The following FHIP1A variants were observed in gnomAD, a reference collection of about 807,000 sequenced individuals.
The protein encoded by FHIP1A is FHF complex subunit HOOK interacting protein 1A.
A neutral mutation model predicts 88.6 loss-of-function variants in FHIP1A; 61 were observed. That is an observed-to-expected ratio of 0.69 (90% CI 0.56 to 0.85). The LOEUF (loss-of-function observed/expected upper bound fraction) is 0.85, where lower values mean the gene tolerates loss of function less well. Ranked by LOEUF, FHIP1A falls within the 40% of genes least tolerant of loss-of-function variation. The pLI, the probability that FHIP1A is intolerant of heterozygous loss-of-function variation, is 0.00. For missense variants in FHIP1A, 1,154 were observed against 1,273.5 expected (o/e 0.91, Z 1.43); for synonymous variants, 478 against 496.0 (o/e 0.96, Z 0.48).
At chr4:151,632,510 C>T (rs1167937060) in intron 8 of FHIP1A, among the ~76,000 whole-genome samples, 2 of 151,966 alleles carry the variant, frequency 1.3e-5, no homozygotes, top group Admixed American at 6.6e-5. Context: ...CCAAATACTC[C>T]ACCCAGCAAT....
rs1292423212 is a variant in FHIP1A, at chr4:151,663,797, G to A, written c.*1043G>A. On this transcript the variant is annotated 3_prime_UTR_variant, in exon 14 of 14. Transcript: ENST00000435205. Reference sequence around the variant, plus strand: ...AACAGGAACTGTACAGCCCACTTTGGGACCTTGGATGTAAATGCAAACAGG... The same window carrying A: ...AACAGGAACTGTACAGCCCACTTTGAGACCTTGGATGTAAATGCAAACAGG... Among the ~76,000 whole-genome samples, 1 of 152,046 alleles carries A rather than the reference G, an allele frequency of 6.6e-6. No homozygotes were observed. Among genetic ancestry groups the A allele is most frequent in the Non-Finnish European group, 1.5e-5 (1 of 68,014 alleles).
intron 1 of FHIP1A, among the ~76,000 whole-genome samples, chr4:151,433,227 A>G (rs979866987): frequency 2.6e-5 from 4 of 151,666 alleles, no homozygotes; most frequent in African/African-American, 9.7e-5. Flanking sequence ...TGGAATGGGG[A>G]GAGAGGTGGC....
rs963006373 is a variant in FHIP1A, at chr4:151,640,099, G to A, written c.1226+1343G>A. On this transcript the variant is annotated intron_variant, in intron 9 of 13. Transcript: ENST00000435205. ...AATGCAAATTCTTGGTCTCCTCTCG[G>A]ACCTACTGAATCAGAAACTCTGGGG... 2.0e-5 allele frequency among the ~76,000 whole-genome samples: 3 copies of A among 152,164 alleles called. No homozygotes were observed. The East Asian group carries it at 5.8e-4, about 29-fold the overall frequency.
rs1737537551 is a variant in FHIP1A at position 151,663,157 on chromosome 4, A to G, written c.*403A>G. The G allele has an allele frequency of 6.2e-6, 1 of 160,106 alleles. No individual in the cohort carries two copies. The highest frequency in any genetic ancestry group is 6.2e-5 in the Admixed American group (1 of 16,186). The allele number at this position is 160,106 out of a possible 1,614,324, so 9.9% of individuals were successfully genotyped here. On this transcript the variant is annotated 3_prime_UTR_variant, in exon 14 of 14. Coordinates refer to ENST00000435205, the MANE Select transcript of FHIP1A (RefSeq NM_001109977.3). ...ATTCCAGCTGTTCAGCAGCACAGGA[A>G]GATTGTACACCTGCAACTGTGCGAA...
At chr4:151,489,406 A>G (rs1730203286) in intron 3 of FHIP1A, among the ~76,000 whole-genome samples, 1 of 152,102 alleles carries the variant, frequency 6.6e-6, no homozygotes, top group East Asian at 1.9e-4. Flanking sequence ...CTCCTAGCTG[A>G]ACTTTGTAAT....
chr4:151,587,886 G>A (rs1734278926), intron 6 of FHIP1A, among the ~76,000 whole-genome samples: 1 of 151,908 alleles, frequency 6.6e-6, no homozygotes, highest in African/African-American at 2.4e-5. Context: ...TCTTGCAGAA[G>A]TTTGTGGAAA....
chr4:151,548,308 T>C (rs1235792776), intron 3 of FHIP1A, among the ~76,000 whole-genome samples: 1 of 152,172 alleles, frequency 6.6e-6, no homozygotes, highest in Admixed American at 6.5e-5. Context: ...GCTAATTCCA[T>C]GGAAACAGTT....
At chr4:151,550,773 A>G (rs1024396703) in intron 3 of FHIP1A, among the ~76,000 whole-genome samples, 2 of 152,110 alleles carry the variant, frequency 1.3e-5, no homozygotes, top group Non-Finnish European at 2.9e-5. Flanking sequence ...GCAGACTCTG[A>G]GGTGGAGATT....
chr4:151,535,053 A>C (rs1313044475), intron 3 of FHIP1A, among the ~76,000 whole-genome samples: 1 of 152,128 alleles, frequency 6.6e-6, no homozygotes, highest in Non-Finnish European at 1.5e-5. Flanking sequence ...TGTCTCTACA[A>C]AAAGTAAAAA....
chr4:151,512,334 G>GGGAAAAAACAGAGC (rs1181035380), intron 3 of FHIP1A, among the ~76,000 whole-genome samples: 2 of 152,104 alleles, frequency 1.3e-5, no homozygotes, highest in Admixed American at 1.3e-4. Flanking sequence ...CACAAAGATG[G>GGGAAAAAACAGAGC]GGAAAAAACA....
In FHIP1A at chr4:151,519,603, A is replaced by G. The variant is rs116524981; in HGVS notation, c.-123+36955A>G. ...ATAGTAAGTGTATATGTGAATATGT[A>G]TATATACACATCCACATTTATATAT... On this transcript the variant is annotated intron_variant, in intron 3 of 13. Transcript: ENST00000435205. Among the ~76,000 whole-genome samples, 400 of 152,226 alleles carry G rather than the reference A, an allele frequency of 2.6e-3. 1 individual carries two copies. Among genetic ancestry groups the G allele is most frequent in the African/African-American group, 9.2e-3 (383 of 41,530 alleles).
intron 7 of FHIP1A, among the ~76,000 whole-genome samples, chr4:151,615,606 A>G (rs1735491374): frequency 6.6e-6 from 1 of 152,154 alleles, no homozygotes; most frequent in Non-Finnish European, 1.5e-5. Context: ...TGGGAAGGGT[A>G]TACTCAGAAT....
chr4:151,503,324 C>T (rs1324657464), intron 3 of FHIP1A, among the ~76,000 whole-genome samples: 1 of 152,168 alleles, frequency 6.6e-6, no homozygotes, highest in Non-Finnish European at 1.5e-5. Flanking sequence ...GTTGAGCTGG[C>T]GCCATCATGG....
chr4:151,614,652 T>C (rs894291102), intron 7 of FHIP1A, among the ~76,000 whole-genome samples: 2 of 152,072 alleles, frequency 1.3e-5, no homozygotes, highest in African/African-American at 4.8e-5. Context: ...AAGTTATTAT[T>C]GTGTCTAAAT....
At chr4:151,445,722 A>G (rs1005783635) in intron 1 of FHIP1A, among the ~76,000 whole-genome samples, 1 of 151,546 alleles carries the variant, frequency 6.6e-6, no homozygotes, top group Admixed American at 6.6e-5. Context: ...TATGAAATAC[A>G]TGAGCACCTT....
At chr4:151,613,582 G>A (rs1735403806) in intron 7 of FHIP1A, among the ~76,000 whole-genome samples, 1 of 152,012 alleles carries the variant, frequency 6.6e-6, no homozygotes, top group African/African-American at 2.4e-5. Context: ...AAAAAACTAG[G>A]TTACAAAAAA....
chr4:151,600,595 A>T (rs562327302), intron 7 of FHIP1A, among the ~76,000 whole-genome samples: 2 of 152,344 alleles, frequency 1.3e-5, no homozygotes, highest in Middle Eastern at 3.4e-3. Flanking sequence ...AGTATAAATC[A>T]TGATTCTCTG....
At position 151,634,138 on chromosome 4, in the gene FHIP1A, C is replaced by T. The variant is rs541398931; in HGVS notation, c.1146+4269C>T. 6.6e-5 allele frequency among the ~76,000 whole-genome samples: 10 copies of T among 151,342 alleles called. No homozygotes were observed. The East Asian group carries it at 7.7e-4, about 12-fold the overall frequency. ...TTCTATATATTAACTATGAACAATT[C>T]GAAAAGGAAATTTTAAAAAGTTCTT... is the stretch of plus-strand genomic sequence containing the variant. On this transcript the variant is annotated intron_variant, in intron 8 of 13. Transcript: ENST00000435205.
At chr4:151,466,810 C>T (rs1350101745) in intron 2 of FHIP1A, among the ~76,000 whole-genome samples, 1 of 152,118 alleles carries the variant, frequency 6.6e-6, no homozygotes, top group Admixed American at 6.5e-5. Flanking sequence ...CCTTTCCTTA[C>T]ACCTTATAAA....
Sources: gnomAD v4.1 joint callset for allele counts (sites outside exome capture counted in the v4.1 genomes callset) on GRCh38, gnomAD v4.1.1 for gene constraint, MANE v1.5 for transcripts, NCBI Gene and HGNC (gene_info 2026-07-23, HGNC 2026-07-21) for gene names.